Variants in LARGE1 observed in about 807,000 individuals in gnomAD.
LARGE1 encodes xylosyl- and glucuronyltransferase LARGE1.
LARGE1 carries 43 observed loss-of-function variants against 87.6 expected under a neutral mutation model. The observed-to-expected ratio is 0.49, with a 90% CI of 0.38 to 0.63. LARGE1 has a LOEUF of 0.63. Ranked by LOEUF, LARGE1 falls within the 30% of genes least tolerant of loss-of-function variation. The pLI, the probability that LARGE1 is intolerant of heterozygous loss-of-function variation, is 0.00. For missense variants in LARGE1, 802 were observed against 1,000.2 expected (o/e 0.80, Z 2.67); for synonymous variants, 434 against 394.6 (o/e 1.10, Z -1.18).
chr22:33,700,118 C>T (rs1026617779), intron 2 of LARGE1, among the ~76,000 whole-genome samples: 4 of 152,032 alleles, frequency 2.6e-5, no homozygotes, highest in African/African-American at 4.8e-5. Flanking sequence ...AACAAATCTA[C>T]GTATTCCTTA....
chr22:33,312,662 A>G (rs1357912000), intron 11 of LARGE1, among the ~76,000 whole-genome samples: 1 of 152,156 alleles, frequency 6.6e-6, no homozygotes, highest in Non-Finnish European at 1.5e-5. Flanking sequence ...GGAGGCCTGA[A>G]TGCAACAGAG....
intron 6 of LARGE1, among the ~76,000 whole-genome samples, chr22:33,502,208 A>C (rs1421226432): frequency 2.0e-5 from 3 of 151,806 alleles, no homozygotes; most frequent in Non-Finnish European, 2.9e-5. Flanking sequence ...AAAAAAAAAA[A>C]AAACTGTAGG....
intron 9 of LARGE1, among the ~76,000 whole-genome samples, chr22:33,368,779 A>T (rs1449525365): frequency 6.6e-6 from 1 of 152,168 alleles, no homozygotes; most frequent in African/African-American, 2.4e-5. Flanking sequence ...TCCGATACAT[A>T]TAAAAATTAT....
intron 4 of LARGE1, among the ~76,000 whole-genome samples, chr22:33,624,558 A>G (rs565183977): frequency 6.6e-6 from 1 of 152,158 alleles, no homozygotes; most frequent in African/African-American, 2.4e-5. Context: ...ATAACCAGAC[A>G]CAACAGGCCG....
intron 2 of LARGE1, among the ~76,000 whole-genome samples, chr22:33,755,949 G>A (rs1294005476): frequency 1.3e-5 from 2 of 152,212 alleles, no homozygotes; most frequent in African/African-American, 4.8e-5. Flanking sequence ...TCTGGCATTA[G>A]GGGAAAATGA....
At position 33,419,031 on chromosome 22, in the gene LARGE1, T is replaced by C. The variant is rs944601435; in HGVS notation, c.892+13130A>G. On this transcript the variant is annotated intron_variant, in intron 7 of 14. Coordinates refer to ENST00000397394, the MANE Select transcript of LARGE1 (RefSeq NM_133642.5). Reference sequence around the variant, plus strand: ...AAGACATTCCCGAGACTGGGTAATTTATGAAGAAAAGAGGTTTAATTGACT... The same window carrying C: ...AAGACATTCCCGAGACTGGGTAATTCATGAAGAAAAGAGGTTTAATTGACT... Among the ~76,000 whole-genome samples the C allele has an allele frequency of 3.9e-5, 6 of 152,140 alleles. 1 individual carries two copies. The South Asian group carries it at 8.3e-4, about 21-fold the overall frequency.
At chr22:33,311,782 T>C (rs535945380) in intron 11 of LARGE1, among the ~76,000 whole-genome samples, 44 of 152,242 alleles carry the variant, frequency 2.9e-4, no homozygotes, top group Admixed American at 2.8e-3. Context: ...CAGTATTTAC[T>C]GGATGTCAAA....
At chr22:33,853,785 C>T (rs2063678264) in intron 1 of LARGE1, among the ~76,000 whole-genome samples, 1 of 152,216 alleles carries the variant, frequency 6.6e-6, no homozygotes, top group East Asian at 1.9e-4. Flanking sequence ...TCTGCTGTAT[C>T]CTCAAAACCT....
At chr22:33,783,994 T>C (rs533134019) in intron 1 of LARGE1, among the ~76,000 whole-genome samples, 145 of 152,272 alleles carry the variant, frequency 9.5e-4, no homozygotes, top group African/African-American at 3.2e-3. Flanking sequence ...ACAATCTCTC[T>C]CTTTCTTTTT....
At chr22:33,252,888 C>T (rs189091249) in intron 11 of LARGE1, among the ~76,000 whole-genome samples, 24 of 152,300 alleles carry the variant, frequency 1.6e-4, no homozygotes, top group East Asian at 9.6e-4. Context: ...GTTTGTGTAA[C>T]GTCATCATGG....
At chr22:33,599,740 C>G (rs1277465310) in intron 5 of LARGE1, among the ~76,000 whole-genome samples, 2 of 152,192 alleles carry the variant, frequency 1.3e-5, no homozygotes, top group African/African-American at 4.8e-5. Context: ...CCATTTCCAA[C>G]AGCTGTACAA....
the LARGE1 span, among the ~76,000 whole-genome samples, chr22:33,076,812 G>C: frequency 3.3e-5 from 5 of 152,168 alleles, no homozygotes; most frequent in Admixed American, 3.3e-4. Context: ...CTTTAGCGTT[G>C]TATCTTAAGA....
At chr22:33,798,785 A>G (rs1427266074) in intron 1 of LARGE1, among the ~76,000 whole-genome samples, 2 of 152,222 alleles carry the variant, frequency 1.3e-5, no homozygotes, top group Non-Finnish European at 2.9e-5. Flanking sequence ...CACAGGCTGC[A>G]AATGCAGACA....
intron 6 of LARGE1, among the ~76,000 whole-genome samples, chr22:33,539,421 C>A (rs960729147): frequency 1.3e-5 from 2 of 152,164 alleles, no homozygotes; most frequent in African/African-American, 4.8e-5. Context: ...TGGGATTCCA[C>A]ATAGGCCCAA....
chr22:33,563,513 C>G (rs2077924287), intron 6 of LARGE1, among the ~76,000 whole-genome samples: 2 of 152,194 alleles, frequency 1.3e-5, no homozygotes, highest in Admixed American at 1.3e-4. Context: ...AAAACTGCCC[C>G]TCGTGAGTTC....
At chr22:33,779,910 A>C (rs2085364682) in intron 1 of LARGE1, among the ~76,000 whole-genome samples, 1 of 152,202 alleles carries the variant, frequency 6.6e-6, no homozygotes, top group South Asian at 2.1e-4. Context: ...CTATTGTGTC[A>C]GTTTGCCAGG....
intron 3 of LARGE1, among the ~76,000 whole-genome samples, chr22:33,644,957 A>G (rs2080560412): frequency 6.6e-6 from 1 of 152,226 alleles, no homozygotes; most frequent in South Asian, 2.1e-4. Flanking sequence ...TAGGAAAATC[A>G]ATATTGTGAA....
downstream of LARGE1, among the ~76,000 whole-genome samples, chr22:33,159,417 A>T (rs5754475): frequency 0.46 from 69,882 of 151,704 alleles, 16,252 homozygotes; most frequent in South Asian, 0.69. Flanking sequence ...CACCTTTTTC[A>T]GTGGAGTATT....
chr22:33,256,439 A>C lies in LARGE1; in HGVS notation c.1730+47790T>G, dbSNP rs1927272299. Among the ~76,000 whole-genome samples the C allele has an allele frequency of 1.3e-5, 2 of 152,240 alleles. 1 individual carries two copies. Among genetic ancestry groups the C allele is most frequent in the Admixed American group, 1.3e-4 (2 of 15,286 alleles). ...CCACTAATTCACTGTAATCCTGGGC[A>C]AGCCATTTTAACCTTCTAGGCTTTA... On this transcript the variant is annotated intron_variant, in intron 11 of 11. Transcript: ENST00000608642.
Sources: gnomAD v4.1 joint callset for allele counts (sites outside exome capture counted in the v4.1 genomes callset) on GRCh38, gnomAD v4.1.1 for gene constraint, MANE v1.5 for transcripts, NCBI Gene and HGNC (gene_info 2026-07-23, HGNC 2026-07-21) for gene names.